Variants in CPS1 observed in about 807,000 individuals in gnomAD.
CPS1 encodes carbamoyl-phosphate synthase [ammonia], mitochondrial.
Under a neutral mutation model 174.6 loss-of-function variants are expected in CPS1, and 109 were observed. The ratio of observed to expected loss-of-function variants is 0.62; its 90% CI spans 0.53 to 0.73. The LOEUF (loss-of-function observed/expected upper bound fraction) is 0.73, where lower values mean the gene tolerates loss of function less well. CPS1 is among the 30% of genes least tolerant of loss of function. The probability of loss-of-function intolerance (pLI) is 0.00; values close to 1 mark genes in which losing one functional copy is unlikely to be tolerated. For missense variants in CPS1, 1,689 were observed against 1,821.9 expected, an observed-to-expected ratio of 0.93 and a Z score of 1.33; for synonymous variants, 637 against 632.0, an observed-to-expected ratio of 1.01 and a Z score of -0.12.
chr2:210,650,114 A>T (rs1477678069), intron 27 of CPS1, among the ~76,000 whole-genome samples: 1 of 152,164 alleles, frequency 6.6e-6, no homozygotes, highest in Non-Finnish European at 1.5e-5. Flanking sequence ...AGCTACCAGG[A>T]TTCCCTTTGG....
intron 1 of CPS1, among the ~76,000 whole-genome samples, chr2:210,481,199 G>A (rs888458364): frequency 6.6e-6 from 1 of 152,132 alleles, no homozygotes; most frequent in African/African-American, 2.4e-5. Flanking sequence ...AAACATTTAA[G>A]CTTTTTCCTT....
rs573641191 is a variant in CPS1, at chr2:210,666,541, G to A, written c.4003-1645G>A. 4.6e-3 allele frequency among the ~76,000 whole-genome samples: 696 copies of A among 152,218 alleles called. 4 individuals are homozygous for A. The highest frequency in any genetic ancestry group is 7.6e-3 in the Non-Finnish European group (514 of 68,004). On this transcript the variant is annotated intron_variant, in intron 33 of 37. Coordinates refer to ENST00000233072, the MANE Select transcript of CPS1 (RefSeq NM_001875.5). The stretch of plus-strand genomic sequence containing the variant: ...AAGGGATCCAGTTGCAGCTTTCTAC[G>A]TATGGTTAGCCAGTTTTCCCAGCAC...
chr2:210,667,693 A>G (rs917558340), intron 33 of CPS1, among the ~76,000 whole-genome samples: 20 of 152,228 alleles, frequency 1.3e-4, no homozygotes, highest in Admixed American at 9.8e-4. Flanking sequence ...CATAAGCTCT[A>G]TGAAATGGCT....
At chr2:210,658,533 T>A in intron 30 of CPS1, 66 bp from the exon 31 acceptor site, 1 of 1,326,914 alleles carries the variant, frequency 7.5e-7, no homozygotes, top group East Asian at 2.3e-5. Context: ...ACTGTGCCTT[T>A]TAGAAAGTTT....
chr2:210,600,482 G>A, intron 14 of CPS1, 73 bp from the exon 15 acceptor site: 19 of 1,408,964 alleles, frequency 1.3e-5, no homozygotes, highest in South Asian at 9.3e-5. Flanking sequence ...AAAAGTAGTT[G>A]TATTCAGTTG....
chr2:210,662,338 G>C (rs980925771), intron 32 of CPS1, among the ~76,000 whole-genome samples: 1 of 152,116 alleles, frequency 6.6e-6, no homozygotes, highest in African/African-American at 2.4e-5. Context: ...ATCAACAGAT[G>C]GGGAAATAGG....
At chr2:210,630,392 G>A (rs1699831472) in intron 21 of CPS1, among the ~76,000 whole-genome samples, 1 of 152,062 alleles carries the variant, frequency 6.6e-6, no homozygotes, top group Admixed American at 6.5e-5. Context: ...CCTTTTTAAT[G>A]TTGATTTTAC....
rs145771223 is a variant in CPS1 at position 210,635,349 on chromosome 2, A to G, written c.2688-2353A>G. 1.8e-4 allele frequency among the ~76,000 whole-genome samples: 27 copies of G among 152,274 alleles called. No homozygotes were observed. The East Asian group carries it at 5.2e-3, about 29-fold the overall frequency. ...TTTCTCTGGCCTCACGTAGCACCAC[A>G]TAGCTTATCCCTCCATAAAGTGTTT... On this transcript the variant is annotated intron_variant, in intron 21 of 37. Transcript: ENST00000233072.
At chr2:210,501,373 G>T (rs1214494214) in intron 1 of CPS1, among the ~76,000 whole-genome samples, 1 of 152,074 alleles carries the variant, frequency 6.6e-6, no homozygotes, top group Non-Finnish European at 1.5e-5. Context: ...GCATCATCAG[G>T]CTGCAAATTT....
rs116959310 is a variant in CPS1 at position 210,662,840 on chromosome 2, A to G, written c.3928-283A>G. Among the ~76,000 whole-genome samples the G allele has an allele frequency of 1.5e-3, 231 of 152,358 alleles. 2 individuals carry two copies. In the East Asian group the frequency reaches 0.04, roughly 26 times the overall value. On this transcript the variant is annotated intron_variant, in intron 32 of 37. Coordinates refer to ENST00000233072, the MANE Select transcript of CPS1 (RefSeq NM_001875.5). ...ATTCCAATAGGAATATGCATGGGCC[A>G]GATTAGAAACACTGGTCCAGACTGG...
intron 1 of CPS1, among the ~76,000 whole-genome samples, chr2:210,533,379 C>A (rs1696165048): frequency 6.6e-6 from 1 of 152,140 alleles, no homozygotes. Context: ...TGCACTCTGC[C>A]TAGAAATCAC....
chr2:210,676,876 G>C (rs1701552728), intron 36 of CPS1, 131 bp from the exon 37 acceptor site: 1 of 779,000 alleles, frequency 1.3e-6, no homozygotes, highest in African/African-American at 1.7e-5. Flanking sequence ...CTTAGCAATA[G>C]AGGAGGGCAG....
intron 1 of CPS1, among the ~76,000 whole-genome samples, chr2:210,535,569 T>C (rs530976006): frequency 1.3e-5 from 2 of 152,318 alleles, no homozygotes; most frequent in East Asian, 3.9e-4. Context: ...TCTCAGCTAC[T>C]GACTTTAAAA....
intron 33 of CPS1, among the ~76,000 whole-genome samples, chr2:210,664,474 G>A (rs1701026157): frequency 6.6e-6 from 1 of 151,912 alleles, no homozygotes; most frequent in South Asian, 2.1e-4. Flanking sequence ...TGAGTAGCTG[G>A]GATTACAAGC....
chr2:210,499,878 A>G (rs563824461), intron 1 of CPS1, among the ~76,000 whole-genome samples: 7 of 152,184 alleles, frequency 4.6e-5, no homozygotes, highest in East Asian at 1.9e-4. Context: ...ATCTTTCACA[A>G]TATCAGGGGA....
chr2:210,554,071 A>C (rs540745011), upstream of CPS1, among the ~76,000 whole-genome samples: 5 of 148,404 alleles, frequency 3.4e-5, no homozygotes, highest in Admixed American at 3.4e-4. Context: ...ATATATATAC[A>C]TATATACATA....
chr2:210,597,612 T>C (rs1053251871), intron 13 of CPS1, among the ~76,000 whole-genome samples: 4 of 151,872 alleles, frequency 2.6e-5, no homozygotes, highest in African/African-American at 4.8e-5. Context: ...TACTTTTATC[T>C]GAATATTTTG....
At chr2:210,635,484 G>A (rs1700015953) in intron 21 of CPS1, among the ~76,000 whole-genome samples, 1 of 152,204 alleles carries the variant, frequency 6.6e-6, no homozygotes, top group Non-Finnish European at 1.5e-5. Flanking sequence ...TGCACTGTCT[G>A]ACACTGGAGC....
At chr2:210,676,700 G>A (rs1341505658) in intron 36 of CPS1, among the ~76,000 whole-genome samples, 1 of 151,978 alleles carries the variant, frequency 6.6e-6, no homozygotes, top group Non-Finnish European at 1.5e-5. Context: ...AATGGTGGAG[G>A]GATCACCTCT....
Sources: allele counts gnomAD v4.1 joint callset (sites outside exome capture counted in the v4.1 genomes callset), GRCh38; gene constraint gnomAD v4.1.1; transcripts MANE v1.5; gene names NCBI Gene and HGNC (gene_info 2026-07-23, HGNC 2026-07-21).